ANOS1: variants seen among roughly 807,000 people sequenced by gnomAD.
ANOS1 encodes anosmin 1.
Under a neutral mutation model 59.0 loss-of-function variants are expected in ANOS1, and 6 were observed. That is an observed-to-expected ratio of 0.10 (90% confidence interval 0.06 to 0.20). ANOS1 has a LOEUF of 0.20. Ranked by LOEUF, ANOS1 falls within the 10% of genes least tolerant of loss-of-function variation. The pLI is 1.00. For synonymous variants in ANOS1, 217 were observed against 223.4 expected, an observed-to-expected ratio of 0.97 and a Z score of 0.25; for missense variants, 433 against 542.3, an observed-to-expected ratio of 0.80 and a Z score of 2.00.
chrX:8,586,299 G>A (rs746499542), intron 5 of ANOS1, among the ~76,000 whole-genome samples: 3 of 111,940 alleles, frequency 2.7e-5, no homozygotes, highest in Middle Eastern at 4.6e-3. Context: ...TGACTGTCAC[G>A]TTTACATCAA....
intron 2 of ANOS1, among the ~76,000 whole-genome samples, chrX:8,666,855 C>G (rs376683681): frequency 8.9e-6 from 1 of 111,781 alleles, no homozygotes; most frequent in Non-Finnish European, 1.9e-5. Flanking sequence ...TCTCACACAA[C>G]TCACTTCACC....
intron 4 of ANOS1, among the ~76,000 whole-genome samples, chrX:8,588,585 C>T (rs1930562651): frequency 8.9e-6 from 1 of 112,123 alleles, no homozygotes; most frequent in Non-Finnish European, 1.9e-5. Context: ...AAGCATTCCC[C>T]TATATATAGT....
chrX:8,636,760 T>C (rs765400927), intron 2 of ANOS1, among the ~76,000 whole-genome samples: 8 of 111,943 alleles, frequency 7.1e-5, no homozygotes, highest in East Asian at 2.8e-4. Context: ...CCTGTCTCCC[T>C]TGCCAGATCA....
At chrX:8,573,447 AG>A (rs753464992) in intron 6 of ANOS1, among the ~76,000 whole-genome samples, 32 of 111,102 alleles carry the variant, frequency 2.9e-4, no homozygotes, top group Admixed American at 3.8e-4. Flanking sequence ...ATCTCTAGAC[AG>A]GAGAGTGTTC....
Position 8,587,711 on chromosome X carries a change from C to G in ANOS1, c.726+83G>C. On this transcript the variant is annotated intron_variant, in intron 5 of 13. Coordinates refer to ENST00000262648, the MANE Select transcript of ANOS1 (RefSeq NM_000216.4). Reference sequence around the variant, plus strand: ...TTTCTGTAGTCAAGCTATTTTGAGGCATAGCAAGTTAATTTTTTGTGCGTA... The same window carrying G: ...TTTCTGTAGTCAAGCTATTTTGAGGGATAGCAAGTTAATTTTTTGTGCGTA... 3 of 708,117 alleles carry G rather than the reference C, an allele frequency of 4.2e-6. No individual in the cohort carries two copies. The South Asian group carries it at 7.1e-5, about 17-fold the overall frequency. 58.4% of individuals were successfully genotyped at this position (708,117 alleles called of 1,213,427 possible).
intron 7 of ANOS1, among the ~76,000 whole-genome samples, chrX:8,568,620 G>T (rs1930163775): frequency 9.1e-6 from 1 of 110,062 alleles, no homozygotes; most frequent in Non-Finnish European, 1.9e-5. Flanking sequence ...GATCGCTTGA[G>T]CCCAGGAGTT....
chrX:8,575,162 A>G (rs1444652416), intron 6 of ANOS1, among the ~76,000 whole-genome samples: 1 of 112,402 alleles, frequency 8.9e-6, no homozygotes, highest in Non-Finnish European at 1.9e-5. Context: ...CCTAAAGTGA[A>G]TTGCAAAATC....
intron 3 of ANOS1, among the ~76,000 whole-genome samples, chrX:8,607,818 A>G (rs1434123166): frequency 2.5e-5 from 1 of 39,847 alleles, no homozygotes; most frequent in African/African-American, 2.6e-4. Context: ...GAAAATGATG[A>G]CCCACTATGC....
chrX:8,592,271 G>A (rs939595529), intron 4 of ANOS1, among the ~76,000 whole-genome samples: 1 of 109,697 alleles, frequency 9.1e-6, no homozygotes, highest in African/African-American at 3.3e-5. Context: ...TTAAGGCATT[G>A]GGCTACTGGA....
At chrX:8,536,217 A>ATTTT (rs1929591873) in intron 11 of ANOS1, among the ~76,000 whole-genome samples, 1 of 55,832 alleles carries the variant, frequency 1.8e-5, no homozygotes, top group Non-Finnish European at 3.0e-5. Context: ...TTTTTTTTTT[A>ATTTT]AAAGGTGAGA....
chrX:8,688,198 C>T (rs1932553190), intron 2 of ANOS1, among the ~76,000 whole-genome samples: 1 of 112,118 alleles, frequency 8.9e-6, no homozygotes, highest in Non-Finnish European at 1.9e-5. Flanking sequence ...ATGATACAAT[C>T]TCATGTTCAA....
intron 2 of ANOS1, among the ~76,000 whole-genome samples, chrX:8,694,710 A>G (rs5978262): frequency 0.32 from 35,018 of 110,998 alleles, 4,606 homozygotes; most frequent in East Asian, 0.61. Context: ...TTAAGATTGG[A>G]CCAACTTAAA....
chrX:8,554,542 GTTTTT>G (rs757605733), intron 8 of ANOS1, among the ~76,000 whole-genome samples: 14 of 50,835 alleles, frequency 2.8e-4, no homozygotes, highest in Non-Finnish European at 4.0e-4. Context: ...GGCTACAGGA[GTTTTT>G]TTTTTTTTTT....
At chrX:8,534,638 T>G (rs761261437) in intron 12 of ANOS1, among the ~76,000 whole-genome samples, 178 bp from the exon 13 acceptor site, 2 of 111,933 alleles carry the variant, frequency 1.8e-5, no homozygotes, top group African/African-American at 3.3e-5. Context: ...GGGGGTTCTC[T>G]GCCATATGGT....
At chrX:8,729,710 A>G (rs1487473045) in intron 1 of ANOS1, among the ~76,000 whole-genome samples, 2 of 56,117 alleles carry the variant, frequency 3.6e-5, no homozygotes, top group East Asian at 1.3e-3. Context: ...CCTTCTAATT[A>G]TTAAAAAAAA....
chrX:8,553,227 G>T (rs975659487), intron 9 of ANOS1, among the ~76,000 whole-genome samples: 2 of 109,059 alleles, frequency 1.8e-5, no homozygotes, highest in East Asian at 2.9e-4. Flanking sequence ...TAAACAAAAA[G>T]AATTTATGCT....
intron 2 of ANOS1, among the ~76,000 whole-genome samples, chrX:8,684,756 C>A (rs146798067): frequency 3.6e-5 from 4 of 110,055 alleles, no homozygotes; most frequent in African/African-American, 9.9e-5. Flanking sequence ...TGAAGTTTCT[C>A]TTGGGAAACA....
chrX:8,641,853 G>A lies in ANOS1; in HGVS notation c.256-18183C>T, dbSNP rs187636382. ...GTTCTAGATAGGCATCCATTCTGCC[G>A]GGTTTTTTTCCCCCTGTTGTCTGGG... On this transcript the variant is annotated intron_variant, in intron 2 of 13. Transcript: ENST00000262648. Among the ~76,000 whole-genome samples, 647 of 108,535 alleles carry A rather than the reference G, an allele frequency of 6.0e-3. 8 individuals are homozygous for A. Among genetic ancestry groups the A allele is most frequent in the African/African-American group, 0.021 (602 of 28,052 alleles). The allele number at this position is 108,535 out of a possible 115,157, so 94.2% of individuals were successfully genotyped here. A position where few individuals can be genotyped will look rare whatever the true frequency, so the allele number is the denominator to read the frequency against.
At chrX:8,727,970 A>G (rs1205398647) in intron 1 of ANOS1, among the ~76,000 whole-genome samples, 5 of 112,912 alleles carry the variant, frequency 4.4e-5, no homozygotes, top group African/African-American at 1.6e-4. Flanking sequence ...AAACACCATG[A>G]CAAGTTAACA....
Sources: allele counts gnomAD v4.1 joint callset (sites outside exome capture counted in the v4.1 genomes callset), GRCh38; gene constraint gnomAD v4.1.1; transcripts MANE v1.5; gene names NCBI Gene and HGNC (gene_info 2026-07-23, HGNC 2026-07-21).